Variants in ATP8A2 observed in about 807,000 individuals in gnomAD.
The protein encoded by ATP8A2 is ATPase phospholipid transporting 8A2, also known as phospholipid-transporting ATPase IB.
Under a neutral mutation model 165.6 loss-of-function variants are expected in ATP8A2, and 100 were observed. That is an observed-to-expected ratio of 0.60 (90% CI 0.51 to 0.71). The LOEUF is 0.71. ATP8A2 is among the 30% of genes least tolerant of loss of function. The pLI is 0.00. For synonymous variants in ATP8A2, 543 were observed against 548.8 expected (o/e 0.99, Z 0.15); for missense variants, 1,227 against 1,479.5 (o/e 0.83, Z 2.80).
intron 1 of ATP8A2, among the ~76,000 whole-genome samples, chr13:25,460,226 CA>C (rs1193222080): frequency 6.6e-6 from 1 of 152,062 alleles, no homozygotes; most frequent in East Asian, 1.9e-4. Flanking sequence ...AACAAAGAAG[CA>C]AACAAAATAT....
chr13:25,482,181 G>C (rs757051493), intron 2 of ATP8A2, among the ~76,000 whole-genome samples: 1 of 152,162 alleles, frequency 6.6e-6, no homozygotes, highest in Non-Finnish European at 1.5e-5. Context: ...ACCTGCTTTA[G>C]ATTCAGTTGA....
Position 25,372,414 on chromosome 13 carries a change from T to C in ATP8A2, c.76+126T>C. The C allele has an allele frequency of 7.6e-6, 5 of 654,070 alleles. No individual in the cohort carries two copies. The South Asian group carries it at 1.9e-4, about 25-fold the overall frequency. 40.5% of individuals were successfully genotyped at this position (654,070 alleles called of 1,614,324 possible). A position where few individuals can be genotyped will look rare whatever the true frequency, so the allele number is the denominator to read the frequency against. ...CCCTCCCTGGGCTCCCTGGGCTCTC[T>C]GGGCTGCAGGATCCGCCGACGCGGC... is the stretch of plus-strand genomic sequence containing the variant. On this transcript the variant is annotated intron_variant, in intron 1 of 36. Transcript: ENST00000381655. The surrounding 1 kb of genome is among the most constrained non-coding windows in gnomAD (Gnocchi z 4.8).
At chr13:25,879,881 C>T (rs1210169257) in intron 33 of ATP8A2, among the ~76,000 whole-genome samples, 1 of 152,200 alleles carries the variant, frequency 6.6e-6, no homozygotes, top group Non-Finnish European at 1.5e-5. Context: ...AGTGAGAAGA[C>T]ATATTTGCCT....
intron 34 of ATP8A2, 101 bp downstream of exon 34, chr13:25,961,764 TC>T (rs1955665182): frequency 2.2e-6 from 2 of 920,620 alleles, no homozygotes; most frequent in East Asian, 5.1e-5. Flanking sequence ...TGACAGGAAT[TC>T]GGAAGAAATG....
At chr13:25,505,214 G>C (rs2036997679) in intron 2 of ATP8A2, among the ~76,000 whole-genome samples, 1 of 148,208 alleles carries the variant, frequency 6.7e-6, no homozygotes, top group South Asian at 2.2e-4. Flanking sequence ...GGGGGGGGTG[G>C]TGGTCACAAC....
At chr13:25,663,385 T>C (rs1224797621) in intron 24 of ATP8A2, among the ~76,000 whole-genome samples, 1 of 152,218 alleles carries the variant, frequency 6.6e-6, no homozygotes, top group Non-Finnish European at 1.5e-5. Context: ...CAAATCTCAT[T>C]TATGAGTTTG....
At chr13:25,784,442 G>T (rs971363262) in intron 27 of ATP8A2, among the ~76,000 whole-genome samples, 1 of 152,128 alleles carries the variant, frequency 6.6e-6, no homozygotes, top group Admixed American at 6.5e-5. Flanking sequence ...AAGGCCTCTT[G>T]CATTCAGAGA....
At chr13:25,422,386 G>T (rs938157265) in intron 1 of ATP8A2, among the ~76,000 whole-genome samples, 1 of 152,180 alleles carries the variant, frequency 6.6e-6, no homozygotes, top group Non-Finnish European at 1.5e-5. Context: ...CACTTGGAAG[G>T]CTCCACTGGC....
intron 24 of ATP8A2, among the ~76,000 whole-genome samples, chr13:25,627,480 AG>A (rs1426606699): frequency 1.3e-5 from 2 of 152,180 alleles, no homozygotes; most frequent in Non-Finnish European, 2.9e-5. Flanking sequence ...TCATAAGGGT[AG>A]AGCCCTAATC....
chr13:25,709,814 C>G (rs2043125094), intron 25 of ATP8A2, among the ~76,000 whole-genome samples: 1 of 151,992 alleles, frequency 6.6e-6, no homozygotes, highest in Non-Finnish European at 1.5e-5. Flanking sequence ...CCAATATAAA[C>G]CTAGTTATAA....
intron 33 of ATP8A2, chr13:25,868,281 A>G: frequency 2.9e-6 from 1 of 345,224 alleles, no homozygotes; most frequent in Admixed American, 3.6e-5. Flanking sequence ...ATAACATTCC[A>G]GAAAACACTG....
At position 25,434,290 on chromosome 13, in the gene ATP8A2, C is replaced by G. The variant is rs187468227; in HGVS notation, c.77-34687C>G. The stretch of plus-strand genomic sequence containing the variant: ...CAGGACTCATACCTGGGCTCCCTGC[C>G]TAAGGTGTGATGAGAAGCATGAGCC... On this transcript the variant is annotated intron_variant, in intron 1 of 36. Coordinates refer to ENST00000381655, the MANE Select transcript of ATP8A2 (RefSeq NM_016529.6). Among the ~76,000 whole-genome samples, 363 of 152,214 alleles carry G rather than the reference C, an allele frequency of 2.4e-3. 1 individual carries two copies. Among genetic ancestry groups the G allele is most frequent in the Non-Finnish European group, 3.9e-3 (267 of 68,006 alleles).
chr13:25,383,288 A>G (rs1289857824), intron 1 of ATP8A2, among the ~76,000 whole-genome samples: 1 of 149,564 alleles, frequency 6.7e-6, no homozygotes, highest in African/African-American at 2.5e-5. Flanking sequence ...TATTTTTAGT[A>G]GAGACGGCGT....
chr13:25,540,114 G>T (rs936418097), intron 7 of ATP8A2, among the ~76,000 whole-genome samples: 1 of 152,276 alleles, frequency 6.6e-6, no homozygotes. Context: ...AGATCATCTG[G>T]GCAAATGACT....
chr13:25,845,555 C>G (rs1951841902), intron 30 of ATP8A2, among the ~76,000 whole-genome samples: 1 of 152,142 alleles, frequency 6.6e-6, no homozygotes, highest in African/African-American at 2.4e-5. Context: ...AATTACGCAA[C>G]TGGGCCTTTC....
At chr13:26,017,759 G>A (rs1456992897) in intron 36 of ATP8A2, among the ~76,000 whole-genome samples, 1 of 152,134 alleles carries the variant, frequency 6.6e-6, no homozygotes, top group African/African-American at 2.4e-5. Flanking sequence ...CTAGGTGTGG[G>A]CCCAAGGCTG....
chr13:25,716,978 C>A (rs143511974), intron 25 of ATP8A2, among the ~76,000 whole-genome samples: 1 of 152,122 alleles, frequency 6.6e-6, no homozygotes, highest in African/African-American at 2.4e-5. Flanking sequence ...CCAAACATAC[C>A]GACTCAGAGG....
At chr13:25,516,344 A>G (rs985638293) in intron 2 of ATP8A2, among the ~76,000 whole-genome samples, 2 of 152,104 alleles carry the variant, frequency 1.3e-5, no homozygotes, top group African/African-American at 2.4e-5. Context: ...TTGCCTTTGG[A>G]TAACTCGATC....
intron 33 of ATP8A2, among the ~76,000 whole-genome samples, chr13:25,915,532 A>C (rs1593552319): frequency 6.6e-6 from 1 of 152,318 alleles, no homozygotes; most frequent in Non-Finnish European, 1.5e-5. Flanking sequence ...GGGCGGGAGC[A>C]ATAAGTGAAA....
Sources: allele counts gnomAD v4.1 joint callset (sites outside exome capture counted in the v4.1 genomes callset), GRCh38; gene constraint gnomAD v4.1.1; non-coding constraint Gnocchi (gnomAD v3.1); transcripts MANE v1.5; gene names NCBI Gene and HGNC (gene_info 2026-07-23, HGNC 2026-07-21).